Variants in TSHZ2 observed in about 807,000 individuals in gnomAD.
TSHZ2 encodes teashirt zinc finger homeobox 2.
TSHZ2 carries 21 observed loss-of-function variants against 74.4 expected under a neutral mutation model. The ratio of observed to expected loss-of-function variants is 0.28; its 90% CI spans 0.20 to 0.41. The LOEUF is 0.41. Ranked by LOEUF, TSHZ2 falls within the 10% of genes least tolerant of loss-of-function variation. The probability of loss-of-function intolerance (pLI) is 1.00; values close to 1 mark genes in which losing one functional copy is unlikely to be tolerated. For synonymous variants in TSHZ2, 540 were observed against 515.3 expected (o/e 1.05, Z -0.65); for missense variants, 1,244 against 1,293.5 (o/e 0.96, Z 0.59).
At chr20:53,373,400 T>C (rs1054746211) in intron 2 of TSHZ2, among the ~76,000 whole-genome samples, 3 of 152,254 alleles carry the variant, frequency 2.0e-5, no homozygotes, top group African/African-American at 7.2e-5. Context: ...TGGGTTTTTT[T>C]AATTCTATCA....
At chr20:53,197,385 A>G (rs937701168) in intron 1 of TSHZ2, among the ~76,000 whole-genome samples, 3 of 152,142 alleles carry the variant, frequency 2.0e-5, no homozygotes, top group African/African-American at 7.2e-5. Context: ...TGCAAAGGAG[A>G]AGACTTTTAA....
intron 1 of TSHZ2, among the ~76,000 whole-genome samples, chr20:53,157,553 C>T (rs564005322): frequency 4.6e-5 from 7 of 151,932 alleles, no homozygotes; most frequent in Non-Finnish European, 8.8e-5. Flanking sequence ...ACTACAGGTG[C>T]GCACTACCAT....
At chr20:53,423,076 A>G (rs983693712) in intron 2 of TSHZ2, among the ~76,000 whole-genome samples, 1 of 152,160 alleles carries the variant, frequency 6.6e-6, no homozygotes, top group African/African-American at 2.4e-5. Context: ...TGAGAAACCC[A>G]ACACCTACAC....
rs199627934 is a variant in TSHZ2 at position 53,473,619 on chromosome 20, C to T, written c.*9-13525C>T. 3.0e-3 allele frequency among the ~76,000 whole-genome samples: 453 copies of T among 150,096 alleles called. 6 individuals are homozygous for T. In the East Asian group the frequency reaches 0.041, roughly 14 times the overall value. On this transcript the variant is annotated intron_variant, in intron 2 of 2. Transcript: ENST00000371497. ...GAGCGCCTCTCCTCCTCCAAAGGAA[C>T]GCAGTTCCTCACCAGCAACGGAACA...
chr20:53,337,197 G>A (rs1209903239), intron 2 of TSHZ2, among the ~76,000 whole-genome samples: 2 of 152,108 alleles, frequency 1.3e-5, no homozygotes, highest in Non-Finnish European at 1.5e-5. Context: ...CTTATTCAAC[G>A]GATTGAATTC....
intron 1 of TSHZ2, among the ~76,000 whole-genome samples, chr20:53,101,657 C>T (rs1986222360): frequency 6.6e-6 from 1 of 152,274 alleles, no homozygotes; most frequent in Non-Finnish European, 1.5e-5. Flanking sequence ...TTATTATATT[C>T]TATTGAGTCA....
intron 1 of TSHZ2, among the ~76,000 whole-genome samples, chr20:53,088,603 A>G (rs1985771687): frequency 6.6e-6 from 1 of 152,350 alleles, no homozygotes; most frequent in South Asian, 2.1e-4. Context: ...ATGAATAACT[A>G]AATTCATATT....
chr20:53,463,173 C>T (rs1372980618), intron 2 of TSHZ2, among the ~76,000 whole-genome samples: 1 of 152,134 alleles, frequency 6.6e-6, no homozygotes, highest in Non-Finnish European at 1.5e-5. Flanking sequence ...CAGTGGTGCA[C>T]TGCACTTCTA....
chr20:53,391,115 C>CTTCTG (rs1555858127), intron 2 of TSHZ2, among the ~76,000 whole-genome samples: 1 of 147,546 alleles, frequency 6.8e-6, no homozygotes, highest in Non-Finnish European at 1.5e-5. Context: ...ATATACTACA[C>CTTCTG]TTTTGTTTTG....
intron 2 of TSHZ2, among the ~76,000 whole-genome samples, chr20:53,429,037 T>G (rs1302812189): frequency 6.6e-6 from 1 of 152,232 alleles, no homozygotes; most frequent in Admixed American, 6.5e-5. Flanking sequence ...TTACTGCTAT[T>G]CAGAAATGAG....
At chr20:53,353,762 T>C (rs1980742188) in intron 2 of TSHZ2, among the ~76,000 whole-genome samples, 1 of 152,252 alleles carries the variant, frequency 6.6e-6, no homozygotes, top group South Asian at 2.1e-4. Context: ...TCAGTTTATC[T>C]CAGATTTATC....
intron 2 of TSHZ2, among the ~76,000 whole-genome samples, chr20:53,406,471 G>A (rs1285157510): frequency 6.6e-6 from 1 of 152,146 alleles, no homozygotes; most frequent in East Asian, 1.9e-4. Context: ...TGCCATCTGG[G>A]TGAGCAAAGG....
chr20:53,104,738 G>A (rs1187088951), intron 1 of TSHZ2, among the ~76,000 whole-genome samples: 1 of 152,154 alleles, frequency 6.6e-6, no homozygotes, highest in Non-Finnish European at 1.5e-5. Flanking sequence ...AGGAATGCCC[G>A]CCTGGCAGTG....
chr20:53,156,319 A>G (rs936828403), intron 1 of TSHZ2, among the ~76,000 whole-genome samples: 5 of 152,180 alleles, frequency 3.3e-5, no homozygotes, highest in Admixed American at 2.6e-4. Flanking sequence ...ACTTATATAC[A>G]CAAAATGATG....
intron 2 of TSHZ2, among the ~76,000 whole-genome samples, chr20:53,312,539 G>A (rs1035240957): frequency 2.0e-5 from 3 of 152,188 alleles, no homozygotes; most frequent in African/African-American, 7.2e-5. Flanking sequence ...AGACAATAGA[G>A]AGGGAAATGG....
chr20:53,233,635 T>C (rs1392873822), intron 1 of TSHZ2, among the ~76,000 whole-genome samples: 1 of 152,148 alleles, frequency 6.6e-6, no homozygotes, highest in Non-Finnish European at 1.5e-5. Flanking sequence ...AGCTAGCAAG[T>C]GATAGAGCTG....
intron 2 of TSHZ2, among the ~76,000 whole-genome samples, chr20:53,342,955 C>CTTTT (rs1175907478): frequency 0.021 from 1,302 of 61,384 alleles, 79 homozygotes; most frequent in African/African-American, 0.027. Flanking sequence ...CTTTTCTTTT[C>CTTTT]TTTTTTTTTT....
Position 53,355,023 on chromosome 20 carries a change from G to A in TSHZ2, c.*8+98452G>A, listed in dbSNP as rs890628009. On this transcript the variant is annotated intron_variant, in intron 2 of 2. Transcript: ENST00000371497. ...CATTATATGGATTCCTCTAAAAATT[G>A]TTCAATAGAATATGTATTCATTTAT... Among the ~76,000 whole-genome samples, 16 of 152,124 alleles carry A rather than the reference G, an allele frequency of 1.1e-4. 1 individual carries two copies. The highest frequency in any genetic ancestry group is 1.9e-4 in the Non-Finnish European group (13 of 67,986).
At chr20:53,229,985 AAG>A (rs1568824618) in intron 1 of TSHZ2, among the ~76,000 whole-genome samples, 4 of 147,132 alleles carry the variant, frequency 2.7e-5, no homozygotes, top group South Asian at 4.5e-4. Context: ...AAAGAAAAGA[AAG>A]AGGAAGGAAG....
Sources: gnomAD v4.1 joint callset for allele counts (sites outside exome capture counted in the v4.1 genomes callset) on GRCh38, gnomAD v4.1.1 for gene constraint, MANE v1.5 for transcripts, NCBI Gene and HGNC (gene_info 2026-07-23, HGNC 2026-07-21) for gene names.